Variants in PCDHA11 observed in about 807,000 individuals in gnomAD.
The protein encoded by PCDHA11 is protocadherin alpha 11, also known as protocadherin alpha-11.
PCDHA11 carries 61 observed loss-of-function variants against 70.3 expected under a neutral mutation model. The ratio of observed to expected loss-of-function variants is 0.87; its 90% CI spans 0.71 to 1.07. PCDHA11 has a LOEUF of 1.07. PCDHA11 is among the 50% of genes least tolerant of loss of function. The probability of loss-of-function intolerance (pLI) is 0.00; values close to 1 mark genes in which losing one functional copy is unlikely to be tolerated. For missense variants in PCDHA11, 1,324 were observed against 1,237.5 expected, an observed-to-expected ratio of 1.07 and a Z score of -1.05; for synonymous variants, 633 against 555.1, an observed-to-expected ratio of 1.14 and a Z score of -1.97.
At chr5:140,937,705 G>T (rs892429555) in intron 1 of PCDHA11, among the ~76,000 whole-genome samples, 2 of 151,928 alleles carry the variant, frequency 1.3e-5, no homozygotes, top group Admixed American at 6.6e-5. Context: ...GAGGTCAGGA[G>T]ATCAAGACCA....
chr5:140,929,324 T>A (rs781810168), intron 1 of PCDHA11: 1 of 1,540,130 alleles, frequency 6.5e-7, no homozygotes, highest in African/African-American at 1.4e-5. Flanking sequence ...GTCAATGCCA[T>A]GGTAAGCAAA....
chr5:140,965,168 T>C (rs1484687706), intron 1 of PCDHA11, among the ~76,000 whole-genome samples: 1 of 152,180 alleles, frequency 6.6e-6, no homozygotes, highest in Non-Finnish European at 1.5e-5. Context: ...GACGTTTTAG[T>C]GAGTGCTTTT....
At chr5:140,928,348 G>A in intron 1 of PCDHA11, 1 of 1,614,172 alleles carries the variant, frequency 6.2e-7, no homozygotes, top group Non-Finnish European at 8.5e-7. Context: ...TGAGCTGTTG[G>A]ATGTTATCTC....
intron 1 of PCDHA11, chr5:140,883,733 C>G (rs1554179634): frequency 3.1e-6 from 5 of 1,613,458 alleles, no homozygotes; most frequent in African/African-American, 1.3e-5. Flanking sequence ...GGAGAACGCG[C>G]TGGTCTCCTA....
chr5:141,005,256 A>C (rs1307850409), intron 3 of PCDHA11, among the ~76,000 whole-genome samples: 1 of 152,212 alleles, frequency 6.6e-6, no homozygotes, highest in East Asian at 1.9e-4. Flanking sequence ...TGTGCTAGGC[A>C]CTGGTGATAC....
At chr5:140,895,099 T>C (rs558310890) in intron 1 of PCDHA11, among the ~76,000 whole-genome samples, 1 of 152,326 alleles carries the variant, frequency 6.6e-6, no homozygotes, top group East Asian at 1.9e-4. Flanking sequence ...ATAGGGGTTT[T>C]TGCTACAAGA....
At chr5:140,906,124 G>A (rs1399975318) in intron 1 of PCDHA11, among the ~76,000 whole-genome samples, 2 of 151,992 alleles carry the variant, frequency 1.3e-5, no homozygotes, top group Non-Finnish European at 2.9e-5. Flanking sequence ...TGACACAAAT[G>A]TTAGTCTCCT....
At chr5:140,941,244 T>TTTCG (rs2092953100) in intron 1 of PCDHA11, among the ~76,000 whole-genome samples, 1 of 141,602 alleles carries the variant, frequency 7.1e-6, no homozygotes, top group South Asian at 2.3e-4. Context: ...TCTTTCTTTC[T>TTTCG]TTCTTTCTTT....
chr5:140,928,955 T>A, intron 1 of PCDHA11: 1 of 1,614,024 alleles, frequency 6.2e-7, no homozygotes, highest in Middle Eastern at 1.6e-4. Context: ...GTAATTGCCT[T>A]GGCTTGTATT....
At chr5:140,987,318 A>C (rs148008812) in intron 3 of PCDHA11, among the ~76,000 whole-genome samples, 3,398 of 152,304 alleles carry the variant, frequency 0.022, 70 homozygotes, top group Admixed American at 0.058. Flanking sequence ...TGTACTGTGA[A>C]GTTTTAAGAA....
intron 1 of PCDHA11, chr5:140,877,422 G>T (rs781813282): frequency 6.2e-7 from 1 of 1,613,902 alleles, no homozygotes; most frequent in Non-Finnish European, 8.5e-7. Flanking sequence ...TGCTGGTGCT[G>T]GTGAAGGACC....
intron 3 of PCDHA11, among the ~76,000 whole-genome samples, chr5:140,996,093 A>G (rs2097711389): frequency 6.6e-6 from 1 of 152,210 alleles, no homozygotes; most frequent in South Asian, 2.1e-4. Flanking sequence ...GCTAGATTAC[A>G]TGGAATGGTA....
At chr5:140,989,890 G>A (rs368567650) in intron 3 of PCDHA11, among the ~76,000 whole-genome samples, 5 of 151,974 alleles carry the variant, frequency 3.3e-5, no homozygotes, top group Middle Eastern at 3.4e-3. Context: ...TGGAGTCTCC[G>A]TTATTCACAA....
chr5:140,943,657 C>T (rs531235288), intron 1 of PCDHA11, among the ~76,000 whole-genome samples: 51 of 151,756 alleles, frequency 3.4e-4, no homozygotes, highest in African/African-American at 1.2e-3. Flanking sequence ...CATCTATGAA[C>T]AATGTATAAA....
intron 1 of PCDHA11, among the ~76,000 whole-genome samples, chr5:140,920,380 T>C (rs1386655132): frequency 2.0e-5 from 3 of 152,246 alleles, no homozygotes; most frequent in Non-Finnish European, 4.4e-5. Flanking sequence ...TGTGGATTCA[T>C]ATTACCATCT....
intron 1 of PCDHA11, among the ~76,000 whole-genome samples, chr5:140,964,965 G>GA (rs1296818132): frequency 6.6e-6 from 1 of 152,204 alleles, no homozygotes; most frequent in Non-Finnish European, 1.5e-5. Context: ...TTGGTGGAAC[G>GA]AAGGGATGTG....
intron 1 of PCDHA11, among the ~76,000 whole-genome samples, chr5:140,895,873 G>A (rs112324080): frequency 0.13 from 19,058 of 152,088 alleles, 1,272 homozygotes; most frequent in Middle Eastern, 0.19. Context: ...GTGCAATGGC[G>A]CGATCTCGGC....
At chr5:140,993,958 G>A (rs782075870) in intron 3 of PCDHA11, among the ~76,000 whole-genome samples, 1 of 152,162 alleles carries the variant, frequency 6.6e-6, no homozygotes, top group Non-Finnish European at 1.5e-5. Context: ...ATACATGACT[G>A]TAGTCATCAT....
chr5:141,009,712 C>T lies in PCDHA11; in HGVS notation c.2625C>T (p.Pro875=). The T allele has an allele frequency of 1.2e-6, 2 of 1,614,156 alleles. No individual in the cohort carries two copies. Among genetic ancestry groups the T allele is most frequent in the African/African-American group, 1.3e-5 (1 of 75,034 alleles). ...CCTTTAAATACGGACCAGGCAACCC[C>T]AAACAATCCGGTCCCGGTGAGTTGC... is the stretch of plus-strand genomic sequence containing the variant. ...SWTFKYGPGN[P]KQSGPGELPD... is the part of the protein sequence containing the mutation. The change falls in exon 4 of 4, where the codon CCC becomes CCT. Residue 875 remains proline (P), a synonymous_variant. Transcript: ENST00000398640.
Sources: allele counts gnomAD v4.1 joint callset (sites outside exome capture counted in the v4.1 genomes callset), GRCh38; gene constraint gnomAD v4.1.1; transcripts MANE v1.5; gene names NCBI Gene and HGNC (gene_info 2026-07-23, HGNC 2026-07-21).